TBC1D32: variants seen among roughly 807,000 people sequenced by gnomAD.
TBC1D32 encodes the protein protein broad-minded.
Under a neutral mutation model 170.3 loss-of-function variants are expected in TBC1D32, and 151 were observed. The observed-to-expected ratio is 0.89, with a 90% CI of 0.78 to 1.01. The LOEUF is 1.01. Ranked by LOEUF, TBC1D32 falls within the 50% of genes least tolerant of loss-of-function variation. TBC1D32 has a pLI of 0.00. For missense variants in TBC1D32, 1,464 were observed against 1,457.1 expected (o/e 1.00, Z -0.08); for synonymous variants, 498 against 488.0 (o/e 1.02, Z -0.27).
rs1369234864 is a variant in TBC1D32, at chr6:121,303,734, A to C, written c.963T>G (p.Thr321=). 3 of 1,563,134 alleles carry C rather than the reference A, an allele frequency of 1.9e-6. No homozygotes were observed. In the South Asian group the frequency reaches 3.7e-5, roughly 19 times the overall value. The change falls in exon 9 of 32, where the codon ACT becomes ACG. Residue 321 remains threonine (T), a synonymous_variant. Transcript: ENST00000398212. The part of the protein sequence containing the change: ...EKYMEEIVES[T]LSLLTVKHNQ... ...TATGTTTAACTGTTAACAAGGACAA[A>C]GTACTCTCCACAATTTCTTCCATAT...
chr6:121,115,286 CATA>C, intron 26 of TBC1D32, 45 bp from the exon 27 acceptor site: 1 of 1,353,518 alleles, frequency 7.4e-7, no homozygotes, highest in Non-Finnish European at 1.0e-6. Context: ...GAAAAGTTTG[CATA>C]ATAATCACAT....
chr6:121,281,678 A>T lies in TBC1D32; in HGVS notation c.1474T>A (p.Ser492Thr), dbSNP rs1803002116. 48 of 1,586,594 alleles carry T rather than the reference A, an allele frequency of 3.0e-5. No homozygotes were observed. Among genetic ancestry groups the T allele is most frequent in the Non-Finnish European group, 4.1e-5 (48 of 1,166,980 alleles). ...MTSAAHSENY[S>T]PASMVTEVLW... The stretch of plus-strand genomic sequence containing the variant: ...ACTTCAGTCACCATACTTGCAGGAG[A>T]GTAATTCTCTAATAAACAATAAATA... Residue 492 changes from serine to threonine, a missense_variant, in exon 14 of 32, where the codon TCT (serine) becomes ACT (threonine). Ser to Thr is a moderately conservative substitution (Grantham distance 58). Coordinates refer to ENST00000398212, the MANE Select transcript of TBC1D32 (RefSeq NM_152730.6).
chr6:121,225,642 A>T (rs1022345652), intron 20 of TBC1D32, among the ~76,000 whole-genome samples: 27 of 152,096 alleles, frequency 1.8e-4, no homozygotes, highest in Non-Finnish European at 3.7e-4. Context: ...TGCTACTCTA[A>T]GCAAATCAAG....
chr6:121,240,357 ATTTTTTTTTTTTTT>A (rs35946120), intron 19 of TBC1D32, among the ~76,000 whole-genome samples: 2 of 75,294 alleles, frequency 2.7e-5, no homozygotes, highest in African/African-American at 1.1e-4. Flanking sequence ...GTTTAGGACA[ATTTTTTTTTTTTTT>A]TTTTTTTTTT....
chr6:121,099,041 A>C (rs1170642805), intron 30 of TBC1D32, among the ~76,000 whole-genome samples: 2 of 152,040 alleles, frequency 1.3e-5, no homozygotes, highest in Non-Finnish European at 2.9e-5. Flanking sequence ...GTCACAAAAA[A>C]ATAATGAAAC....
intron 24 of TBC1D32, among the ~76,000 whole-genome samples, chr6:121,156,115 A>G (rs1202064008): frequency 6.7e-6 from 1 of 149,990 alleles, no homozygotes; most frequent in Non-Finnish European, 1.5e-5. Flanking sequence ...ATCTAGTAGA[A>G]TTCTGTATGA....
chr6:121,295,358 T>C (rs1462444793), intron 10 of TBC1D32, among the ~76,000 whole-genome samples: 1 of 149,508 alleles, frequency 6.7e-6, no homozygotes, highest in Non-Finnish European at 1.5e-5. Flanking sequence ...AACAAGGCAG[T>C]TGTTGGTGAC....
chr6:121,319,688 T>A (rs1452383005), intron 2 of TBC1D32, among the ~76,000 whole-genome samples: 1 of 152,176 alleles, frequency 6.6e-6, no homozygotes, highest in Non-Finnish European at 1.5e-5. Flanking sequence ...ACATGAATGT[T>A]TCCAACAGAC....
chr6:121,293,747 T>C (rs1253161267), intron 11 of TBC1D32, among the ~76,000 whole-genome samples: 1 of 151,830 alleles, frequency 6.6e-6, no homozygotes, highest in Non-Finnish European at 1.5e-5. Flanking sequence ...CCATCTCTAC[T>C]AAAAATACAA....
At chr6:121,095,366 T>A (rs1036622607) in intron 30 of TBC1D32, among the ~76,000 whole-genome samples, 1 of 152,174 alleles carries the variant, frequency 6.6e-6, no homozygotes, top group Non-Finnish European at 1.5e-5. Flanking sequence ...AAAACAATCT[T>A]CAAAGGTTCT....
At chr6:121,313,373 A>G (rs1269460565) in intron 3 of TBC1D32, among the ~76,000 whole-genome samples, 1 of 147,500 alleles carries the variant, frequency 6.8e-6, no homozygotes, top group East Asian at 2.0e-4. Context: ...AACCTCCACC[A>G]CCCGAGTTCA....
chr6:121,105,722 C>T (rs1245597506), intron 30 of TBC1D32, among the ~76,000 whole-genome samples: 1 of 151,868 alleles, frequency 6.6e-6, no homozygotes, highest in East Asian at 1.9e-4. Flanking sequence ...GAATTCTTGC[C>T]CTCTGTTACC....
At chr6:121,123,973 CTA>C in intron 26 of TBC1D32, among the ~76,000 whole-genome samples, 1 of 151,814 alleles carries the variant, frequency 6.6e-6, no homozygotes, top group Non-Finnish European at 1.5e-5. Context: ...ACAAAAAAAA[CTA>C]TACACATTAA....
At chr6:121,102,421 C>G (rs1778218902) in intron 30 of TBC1D32, among the ~76,000 whole-genome samples, 1 of 152,110 alleles carries the variant, frequency 6.6e-6, no homozygotes, top group African/African-American at 2.4e-5. Flanking sequence ...ACACAGCCCT[C>G]AGAAATAATA....
chr6:121,306,341 G>A (rs1290789033), intron 5 of TBC1D32, among the ~76,000 whole-genome samples: 2 of 152,016 alleles, frequency 1.3e-5, no homozygotes, highest in Non-Finnish European at 2.9e-5. Flanking sequence ...AACATATTGC[G>A]ATACCTTAAA....
At chr6:121,212,739 G>T (rs1044110007) in intron 21 of TBC1D32, among the ~76,000 whole-genome samples, 1 of 152,046 alleles carries the variant, frequency 6.6e-6, no homozygotes, top group African/African-American at 2.4e-5. Flanking sequence ...GGGATTACAG[G>T]TGTGAGCCAC....
chr6:121,254,126 A>G lies in TBC1D32; in HGVS notation c.2018+1202T>C, dbSNP rs927019072. 3.3e-5 allele frequency among the ~76,000 whole-genome samples: 5 copies of G among 152,192 alleles called. 1 individual carries two copies. The highest frequency in any genetic ancestry group is 1.5e-5 in the Non-Finnish European group (1 of 68,038). On this transcript the variant is annotated intron_variant, in intron 17 of 31. Transcript: ENST00000398212. ...GCTGGAGGCCGATTTTTCTAAGTTA[A>G]GTAACTCAGAAATAAAAATCCAAAT... is the stretch of plus-strand genomic sequence containing the variant.
intron 31 of TBC1D32, among the ~76,000 whole-genome samples, chr6:121,090,032 A>C (rs1344008424): frequency 1.3e-5 from 2 of 150,858 alleles, no homozygotes; most frequent in African/African-American, 4.9e-5. Flanking sequence ...TCCTGGGTTC[A>C]CGCCATTCTC....
At chr6:121,143,143 GAGAAATGATATTCTAAGT>G (rs1173948765) in intron 24 of TBC1D32, among the ~76,000 whole-genome samples, 1 of 152,118 alleles carries the variant, frequency 6.6e-6, no homozygotes, top group African/African-American at 2.4e-5. Context: ...TCAGGTAACA[GAGAAATGATATTCTAAGT>G]AGAAATGATA....
Sources: allele counts gnomAD v4.1 joint callset (sites outside exome capture counted in the v4.1 genomes callset), GRCh38; gene constraint gnomAD v4.1.1; transcripts MANE v1.5; gene names NCBI Gene and HGNC (gene_info 2026-07-23, HGNC 2026-07-21).